Variants in SENP5 observed in about 807,000 individuals in gnomAD.
SENP5 encodes the protein sentrin-specific protease 5.
SENP5 carries 21 observed loss-of-function variants against 74.2 expected under a neutral mutation model. The ratio of observed to expected loss-of-function variants is 0.28; its 90% CI spans 0.20 to 0.41. SENP5 has a LOEUF of 0.41. Ranked by LOEUF, SENP5 falls within the 10% of genes least tolerant of loss-of-function variation. The probability of loss-of-function intolerance (pLI) is 1.00; values close to 1 mark genes in which losing one functional copy is unlikely to be tolerated. For synonymous variants in SENP5, 311 were observed against 312.7 expected, an observed-to-expected ratio of 0.99 and a Z score of 0.06; for missense variants, 717 against 889.1, an observed-to-expected ratio of 0.81 and a Z score of 2.46.
intron 1 of SENP5, among the ~76,000 whole-genome samples, chr3:196,884,645 A>G (rs568213002): frequency 1.3e-5 from 2 of 148,924 alleles, no homozygotes; most frequent in East Asian, 2.0e-4. Context: ...TCCAAATCAC[A>G]CTGAGGTTAC....
intron 7 of SENP5, among the ~76,000 whole-genome samples, chr3:196,924,791 G>A (rs1715751349): frequency 6.6e-6 from 1 of 152,186 alleles, no homozygotes; most frequent in Non-Finnish European, 1.5e-5. Flanking sequence ...CATGTGCGAG[G>A]ATGTTCATGG....
At chr3:196,892,312 A>AT (rs1428108878) in intron 2 of SENP5, among the ~76,000 whole-genome samples, 1 of 151,388 alleles carries the variant, frequency 6.6e-6, no homozygotes, top group African/African-American at 2.4e-5. Flanking sequence ...TGCCTGGCTA[A>AT]TTTTTTGTAT....
chr3:196,924,456 C>G (rs951177229), intron 7 of SENP5, among the ~76,000 whole-genome samples: 4 of 152,120 alleles, frequency 2.6e-5, no homozygotes, highest in Non-Finnish European at 4.4e-5. Flanking sequence ...AGGAAAAATG[C>G]AAATGACCAT....
chr3:196,920,581 G>A (rs1351944788), intron 6 of SENP5, among the ~76,000 whole-genome samples: 1 of 152,094 alleles, frequency 6.6e-6, no homozygotes, highest in Non-Finnish European at 1.5e-5. Context: ...TAATGAGAGA[G>A]GACATCTTTC....
intron 1 of SENP5, among the ~76,000 whole-genome samples, chr3:196,883,043 G>A (rs183808589): frequency 6.6e-6 from 1 of 151,954 alleles, no homozygotes; most frequent in Admixed American, 6.6e-5. Context: ...AAGTGTGTTC[G>A]GAGTCTCATA....
chr3:196,916,519 G>A (rs1315638968), intron 6 of SENP5, among the ~76,000 whole-genome samples: 1 of 139,942 alleles, frequency 7.1e-6, no homozygotes, highest in Non-Finnish European at 1.6e-5. Context: ...ATTTAAGAAA[G>A]AGATTGACTT....
chr3:196,875,840 C>CGAA (rs1713441195), intron 1 of SENP5, among the ~76,000 whole-genome samples: 2 of 152,140 alleles, frequency 1.3e-5, no homozygotes, highest in South Asian at 4.1e-4. Context: ...AGCGATCCTT[C>CGAA]CACCTCACCC....
At chr3:196,874,187 A>G (rs1041353983) in intron 1 of SENP5, among the ~76,000 whole-genome samples, 1 of 146,244 alleles carries the variant, frequency 6.8e-6, no homozygotes, top group Non-Finnish European at 1.5e-5. Context: ...TTTTATTCTT[A>G]ATGAAGTTTT....
chr3:196,921,882 C>T (rs1392103710), intron 6 of SENP5, among the ~76,000 whole-genome samples: 6 of 152,186 alleles, frequency 3.9e-5, no homozygotes, highest in African/African-American at 1.4e-4. Context: ...CCCAAGTAAT[C>T]ACCAAATTAT....
intron 5 of SENP5, among the ~76,000 whole-genome samples, chr3:196,902,461 G>T (rs575266097): frequency 2.0e-5 from 3 of 152,292 alleles, no homozygotes; most frequent in Admixed American, 1.3e-4. Context: ...TAAGCTGCAT[G>T]GTTATCAAAA....
chr3:196,871,118 C>T (rs1713197623), intron 1 of SENP5, among the ~76,000 whole-genome samples: 1 of 151,744 alleles, frequency 6.6e-6, no homozygotes, highest in African/African-American at 2.4e-5. Flanking sequence ...TGCAGTGAGC[C>T]GAGGTTGCAC....
At chr3:196,887,975 C>T (rs1560144581) in intron 2 of SENP5, among the ~76,000 whole-genome samples, 1 of 152,080 alleles carries the variant, frequency 6.6e-6, no homozygotes, top group African/African-American at 2.4e-5. Flanking sequence ...ACCATGTTGC[C>T]CAGGCTGGTC....
chr3:196,889,089 C>T (rs927325356), intron 2 of SENP5, among the ~76,000 whole-genome samples: 2 of 151,830 alleles, frequency 1.3e-5, no homozygotes, highest in African/African-American at 4.8e-5. Flanking sequence ...GCACTCCAGC[C>T]TGGGCGACAG....
At position 196,886,014 on chromosome 3, in the gene SENP5, C is replaced by G. The variant is rs1356861906; in HGVS notation, c.833C>G (p.Thr278Ser). 1 of 1,614,092 alleles carries G rather than the reference C, an allele frequency of 6.2e-7. No homozygotes were observed. Among genetic ancestry groups the G allele is most frequent in the Non-Finnish European group, 8.5e-7 (1 of 1,180,044 alleles). ...AAAGTCACTGGGGACCATCAAGAGA[C>G]CCGTAGGGAGAACGGTGAGGGTGGC... ...VQKVTGDHQE[T>S]RRENGEGGSC... is the part of the protein sequence containing the mutation. The change falls in exon 2 of 10, where the codon ACC becomes AGC. Residue 278 changes from threonine to serine, a missense_variant. This residue lies in a region of SENP5 where 567 missense variants were observed against 577.4 expected (regional missense o/e 0.98). Coordinates refer to ENST00000323460, the MANE Select transcript of SENP5 (RefSeq NM_152699.5).
At chr3:196,871,569 A>G (rs115738222) in intron 1 of SENP5, among the ~76,000 whole-genome samples, 3,416 of 152,198 alleles carry the variant, frequency 0.022, 134 homozygotes, top group African/African-American at 0.078. Context: ...TTGTAAAGAT[A>G]TAATTTACGG....
chr3:196,870,054 G>T (rs1266839910), intron 1 of SENP5, among the ~76,000 whole-genome samples: 1 of 152,140 alleles, frequency 6.6e-6, no homozygotes. Context: ...TGAGAACGGG[G>T]TTCTGTGCTT....
At chr3:196,872,377 C>G (rs1163279033) in intron 1 of SENP5, among the ~76,000 whole-genome samples, 1 of 152,134 alleles carries the variant, frequency 6.6e-6, no homozygotes, top group Non-Finnish European at 1.5e-5. Flanking sequence ...TGTCTTTGCT[C>G]CAGGGTCAGA....
chr3:196,906,552 A>G (rs936911114), intron 6 of SENP5, among the ~76,000 whole-genome samples: 34 of 152,210 alleles, frequency 2.2e-4, no homozygotes, highest in Admixed American at 2.1e-3. Context: ...AATGTTTCTC[A>G]TAGGAAGTAA....
rs139892245 is a variant in SENP5 at position 196,904,557 on chromosome 3, G to T, written c.1884+947G>T. On this transcript the variant is annotated intron_variant, in intron 6 of 9. Coordinates refer to ENST00000323460, the MANE Select transcript of SENP5 (RefSeq NM_152699.5). ...AATCCCAGCACTTTGGGAGGCTGAG[G>T]TGGGCGGATCACTGAAGGTCAGGAG... is the stretch of plus-strand genomic sequence containing the variant. 6.4e-3 allele frequency among the ~76,000 whole-genome samples: 981 copies of T among 152,296 alleles called. 11 individuals are homozygous for T. The highest frequency in any genetic ancestry group is 0.022 in the African/African-American group (933 of 41,556).
Sources: gnomAD v4.1 joint callset for allele counts (sites outside exome capture counted in the v4.1 genomes callset) on GRCh38, gnomAD v4.1.1 for gene constraint, gnomAD v4.1.1 regional missense constraint, MANE v1.5 for transcripts, NCBI Gene and HGNC (gene_info 2026-07-23, HGNC 2026-07-21) for gene names.